CLASRP: variants seen among roughly 807,000 people sequenced by gnomAD.
CLASRP encodes CLK4 associating serine/arginine rich protein.
Under a neutral mutation model 99.9 loss-of-function variants are expected in CLASRP, and 52 were observed. The ratio of observed to expected loss-of-function variants is 0.52; its 90% CI spans 0.42 to 0.66. The LOEUF is 0.66. Among genes scored for constraint, CLASRP ranks in the 30% least tolerant of loss-of-function variants. The probability of loss-of-function intolerance (pLI) is 0.00; values close to 1 mark genes in which losing one functional copy is unlikely to be tolerated. For missense variants in CLASRP, 848 were observed against 999.2 expected, an observed-to-expected ratio of 0.85 and a Z score of 2.04; for synonymous variants, 379 against 373.0, an observed-to-expected ratio of 1.02 and a Z score of -0.18.
At chr19:45,066,125 T>A (rs1967081724) in intron 13 of CLASRP, among the ~76,000 whole-genome samples, 1 of 152,000 alleles carries the variant, frequency 6.6e-6, no homozygotes, top group African/African-American at 2.4e-5. Context: ...CTTGTTTCCT[T>A]TACTTTTTTT....
At chr19:45,066,245 A>G (rs1354974233) in intron 13 of CLASRP, among the ~76,000 whole-genome samples, 3 of 151,424 alleles carry the variant, frequency 2.0e-5, no homozygotes, top group Admixed American at 6.6e-5. Context: ...GCAGCCTCCC[A>G]AGTAGCTGGG....
chr19:45,048,172 C>G (rs1971956566), intron 2 of CLASRP, among the ~76,000 whole-genome samples: 1 of 152,036 alleles, frequency 6.6e-6, no homozygotes, highest in South Asian at 2.1e-4. Context: ...CCTAGTTCTG[C>G]TTATTCCTAA....
chr19:45,061,878 T>C (rs1288097981), intron 10 of CLASRP, among the ~76,000 whole-genome samples: 2 of 150,594 alleles, frequency 1.3e-5, no homozygotes, highest in Non-Finnish European at 3.0e-5. Context: ...CATTCTAGGG[T>C]CAGGAGGCCA....
At chr19:45,055,239 A>T (rs1972099345) in intron 5 of CLASRP, among the ~76,000 whole-genome samples, 1 of 152,240 alleles carries the variant, frequency 6.6e-6, no homozygotes, top group African/African-American at 2.4e-5. Context: ...TGAGAAAAAT[A>T]GGACAGAAGT....
chr19:45,060,541 C>T lies in CLASRP; in HGVS notation c.790-13C>T, dbSNP rs1034756518. 2 of 1,613,576 alleles carry T rather than the reference C, an allele frequency of 1.2e-6. No homozygotes were observed. Among genetic ancestry groups the T allele is most frequent in the African/African-American group, 2.7e-5 (2 of 74,906 alleles). ...GGCACCCCCTCACCAACCTGGCACCCACCCTACTCCAGGGACGCCGCTCTC... is the reference window on the plus strand; with the variant it reads ...GGCACCCCCTCACCAACCTGGCACCTACCCTACTCCAGGGACGCCGCTCTC... On this transcript the variant is annotated splice_polypyrimidine_tract_variant and intron_variant, in intron 9 of 20. Coordinates refer to ENST00000221455, the MANE Select transcript of CLASRP (RefSeq NM_007056.3). The surrounding 1 kb of genome is among the most constrained non-coding windows in gnomAD (Gnocchi z 4.6).
chr19:45,046,260 T>C (rs1971914321), intron 2 of CLASRP, among the ~76,000 whole-genome samples: 1 of 152,082 alleles, frequency 6.6e-6, no homozygotes, highest in East Asian at 1.9e-4. Flanking sequence ...CCAGATGCAG[T>C]TGGTTTCTGT....
At chr19:45,057,975 G>A in intron 7 of CLASRP, 77 bp downstream of exon 7, 1 of 1,578,092 alleles carries the variant, frequency 6.3e-7, no homozygotes, top group South Asian at 1.1e-5. Flanking sequence ...CCCTCTGTGG[G>A]GCACCCCGTG....
At chr19:45,042,539 G>A (rs1034537498) in intron 2 of CLASRP, among the ~76,000 whole-genome samples, 4 of 151,280 alleles carry the variant, frequency 2.6e-5, no homozygotes, top group East Asian at 1.9e-4. Flanking sequence ...GTGTGTGTAT[G>A]TATGTATACA....
intron 19 of CLASRP, 22 bp downstream of exon 19, chr19:45,070,126 C>T (rs773250980): frequency 6.2e-6 from 9 of 1,443,968 alleles, no homozygotes; most frequent in Admixed American, 5.0e-5. Flanking sequence ...CACCAGGCTG[C>T]AGGGCTCTGG....
In CLASRP at chr19:45,060,666, G is replaced by A. The variant is rs750771920; in HGVS notation, c.863+39G>A. The A allele has an allele frequency of 2.7e-6, 4 of 1,486,704 alleles. No individual in the cohort carries two copies. The highest frequency in any genetic ancestry group is 2.1e-5 in the Admixed American group (1 of 47,926). The allele number at this position is 1,486,704 out of a possible 1,614,324, so 92.1% of individuals were successfully genotyped here. ...CTGAACCCCCACCCTGCTGGCATCT[G>A]GGGGAGGAGAGCAGGGGCTTAGGGC... On this transcript the variant is annotated intron_variant, in intron 10 of 20. Coordinates refer to ENST00000221455, the MANE Select transcript of CLASRP (RefSeq NM_007056.3). This position sits in a 1 kb window ranked among gnomAD's most constrained non-coding sequence, Gnocchi z 4.6.
At chr19:45,045,411 A>G (rs1025822325) in intron 2 of CLASRP, among the ~76,000 whole-genome samples, 5 of 152,122 alleles carry the variant, frequency 3.3e-5, no homozygotes, top group African/African-American at 9.7e-5. Context: ...CAGCTCCTCA[A>G]GAGGCTGAGG....
At chr19:45,052,579 C>T (rs1293195587) in intron 3 of CLASRP, among the ~76,000 whole-genome samples, 1 of 152,094 alleles carries the variant, frequency 6.6e-6, no homozygotes, top group African/African-American at 2.4e-5. Flanking sequence ...GATGACTGGC[C>T]TGTTTCAGGT....
At chr19:45,053,628 G>A (rs1221262258) in intron 5 of CLASRP, among the ~76,000 whole-genome samples, 5 of 152,060 alleles carry the variant, frequency 3.3e-5, no homozygotes, top group African/African-American at 4.8e-5. Context: ...ACAGGTGCCC[G>A]CCACCACCCC....
rs528815544 is a variant in CLASRP, at chr19:45,060,126, A to G, written c.711-263A>G. Among the ~76,000 whole-genome samples, 1 of 151,142 alleles carries G rather than the reference A, an allele frequency of 6.6e-6. No homozygotes were observed. The highest frequency in any genetic ancestry group is 1.5e-5 in the Non-Finnish European group (1 of 67,886). The stretch of plus-strand genomic sequence containing the variant: ...TACCATCTAATGGACCACACATTTT[A>G]TTCCCTTGCTCATTATCTTCTCCCC... On this transcript the variant is annotated intron_variant, in intron 8 of 20. Coordinates refer to ENST00000221455, the MANE Select transcript of CLASRP (RefSeq NM_007056.3). This position sits in a 1 kb window ranked among gnomAD's most constrained non-coding sequence, Gnocchi z 4.6.
intron 16 of CLASRP, 78 bp downstream of exon 16, chr19:45,068,558 C>A: frequency 9.0e-7 from 1 of 1,111,402 alleles, no homozygotes; most frequent in Non-Finnish European, 1.4e-6. Flanking sequence ...CTCAGCACCA[C>A]TTTGGGAGGC....
chr19:45,054,155 G>C (rs1051418122), intron 5 of CLASRP, among the ~76,000 whole-genome samples: 36 of 152,354 alleles, frequency 2.4e-4, no homozygotes, highest in African/African-American at 7.5e-4. Flanking sequence ...GCTTGCCCAG[G>C]GAGGTTTGGA....
chr19:45,051,726 T>G (rs922382899), intron 2 of CLASRP, among the ~76,000 whole-genome samples: 3 of 151,880 alleles, frequency 2.0e-5, no homozygotes, highest in Non-Finnish European at 4.4e-5. Context: ...CCCAGCACTT[T>G]GGGAGGCTGA....
rs759847542 is a variant in CLASRP at position 45,067,583 on chromosome 19, G to A, written c.1656G>A (p.Glu552=). The change falls in exon 14 of 21, where the codon GAG becomes GAA. Residue 552 remains glutamate, a synonymous_variant. Coordinates refer to ENST00000221455, the MANE Select transcript of CLASRP (RefSeq NM_007056.3). This position sits in a 1 kb window ranked among gnomAD's most constrained non-coding sequence, Gnocchi z 4.9. ...TRPAASPAVG[E]KLKKTEPAAG... ...CGGCCGCGTCCCCTGCTGTGGGCGA[G>A]AAGCTGAAAAAGTGAGCGGGGCGGG... The A allele has an allele frequency of 1.9e-6, 3 of 1,598,492 alleles. No individual in the cohort carries two copies. Among genetic ancestry groups the A allele is most frequent in the Admixed American group, 3.4e-5 (2 of 58,624 alleles).
Position 45,050,800 on chromosome 19 carries a change from T to G in CLASRP, c.100-1271T>G, listed in dbSNP as rs559118614. Among the ~76,000 whole-genome samples the G allele has an allele frequency of 4.8e-3, 715 of 150,128 alleles. 5 individuals are homozygous for G. Among genetic ancestry groups the G allele is most frequent in the Non-Finnish European group, 7.4e-3 (498 of 67,514 alleles). On this transcript the variant is annotated intron_variant, in intron 2 of 20. Coordinates refer to ENST00000221455, the MANE Select transcript of CLASRP (RefSeq NM_007056.3). Reference sequence around the variant, plus strand: ...GGATCTCTGCTTATTGCAACCTACCTCCACCTCCTGGGTTCAAGCGATTCT... The same window carrying G: ...GGATCTCTGCTTATTGCAACCTACCGCCACCTCCTGGGTTCAAGCGATTCT...
Sources: allele counts gnomAD v4.1 joint callset (sites outside exome capture counted in the v4.1 genomes callset), GRCh38; gene constraint gnomAD v4.1.1; non-coding constraint Gnocchi (gnomAD v3.1); transcripts MANE v1.5; gene names NCBI Gene and HGNC (gene_info 2026-07-23, HGNC 2026-07-21).